Variants in VOPP1 observed in about 807,000 individuals in gnomAD.
The protein encoded by VOPP1 is VOPP1 WW domain binding protein, also known as WW domain binding protein VOPP1.
VOPP1 carries 8 observed loss-of-function variants against 23.5 expected under a neutral mutation model. The ratio of observed to expected loss-of-function variants is 0.34; its 90% CI spans 0.20 to 0.61. The LOEUF is 0.61. Among genes scored for constraint, VOPP1 ranks in the 20% least tolerant of loss-of-function variants. The probability of loss-of-function intolerance (pLI) is 0.78; values close to 1 mark genes in which losing one functional copy is unlikely to be tolerated. For synonymous variants in VOPP1, 83 were observed against 97.3 expected (o/e 0.85, Z 0.86); for missense variants, 174 against 238.1 (o/e 0.73, Z 1.77).
At chr7:55,552,972 G>A (rs1022968710) in intron 1 of VOPP1, 12 of 475,988 alleles carry the variant, frequency 2.5e-5, no homozygotes, top group Admixed American at 4.3e-5. Context: ...ACATGCAACC[G>A]AAATCTGTCT....
At chr7:55,453,136 C>T (rs557119215) in intron 4 of VOPP1, among the ~76,000 whole-genome samples, 1 of 152,358 alleles carries the variant, frequency 6.6e-6, no homozygotes, top group South Asian at 2.1e-4. Context: ...TCAGCACTTT[C>T]TGCTGCACCC....
At chr7:55,505,647 AAGGAAGGGAGGGAGGGAGGG>A (rs1228643230) in intron 2 of VOPP1, among the ~76,000 whole-genome samples, 18 of 105,538 alleles carry the variant, frequency 1.7e-4, no homozygotes, top group African/African-American at 2.4e-4. Context: ...AAAAGGAAGG[AAGGAAGGGAGGGAGGGAGGG>A]AGGGAGGGAG....
At position 55,482,347 on chromosome 7, in the gene VOPP1, A is replaced by AT. The variant is rs11292753; in HGVS notation, c.329-9303dup. ...TGGGGAAGAGAGGAAGAAGGGAGGT[A>AT]TTTTTTTTTTTTTTTTTTGAGACGG... On this transcript the variant is annotated intron_variant, in intron 4 of 4. Transcript: ENST00000285279. 2.1e-3 allele frequency among the ~76,000 whole-genome samples: 272 copies of AT among 127,780 alleles called. 2 individuals are homozygous for AT. Among genetic ancestry groups the AT allele is most frequent in the South Asian group, 0.018 (69 of 3,924 alleles). The allele number at this position is 127,780 out of a possible 152,430, so 83.8% of individuals were successfully genotyped here.
chr7:55,556,656 A>T (rs1268474256), intron 1 of VOPP1, among the ~76,000 whole-genome samples: 1 of 143,504 alleles, frequency 7.0e-6, no homozygotes. Flanking sequence ...AAAACACTTC[A>T]AGCTTTGAGA....
chr7:55,549,334 G>T (rs912718169), intron 1 of VOPP1, among the ~76,000 whole-genome samples: 25 of 152,298 alleles, frequency 1.6e-4, no homozygotes, highest in African/African-American at 5.5e-4. Flanking sequence ...CTCACGATCA[G>T]GCATACAGAC....
intron 4 of VOPP1, among the ~76,000 whole-genome samples, chr7:55,457,867 T>A (rs987551669): frequency 3.9e-5 from 6 of 152,184 alleles, no homozygotes; most frequent in African/African-American, 1.4e-4. Context: ...ATAAATAGTT[T>A]GCACATATTT....
chr7:55,462,900 C>G (rs1791540178), intron 4 of VOPP1, among the ~76,000 whole-genome samples: 1 of 148,454 alleles, frequency 6.7e-6, no homozygotes, highest in Non-Finnish European at 1.5e-5. Context: ...TCGTGATCCG[C>G]CCGCCTCGGC....
rs761342498 is a variant in VOPP1 at position 55,492,347 on chromosome 7, G to C, written c.263C>G (p.Pro88Arg). Residue 88 changes from proline to arginine, a missense_variant, in exon 4 of 5, where the codon CCG becomes CGG. Physicochemically the swap from Pro to Arg is moderately radical, Grantham distance 103. Transcript: ENST00000285279. ...GFFIRRRMYP[P>R]PLIEEPAFNV... ...GAAGGCTGGCTCCTCGATCAGCGGC[G>C]GGGGGTACATGCGCCTCCGGATGAA... 6.2e-7 allele frequency: 1 copy of C among 1,608,560 alleles called. No individual in the cohort carries two copies.
At chr7:55,536,563 T>A (rs1267242942) in intron 1 of VOPP1, among the ~76,000 whole-genome samples, 1 of 148,718 alleles carries the variant, frequency 6.7e-6, no homozygotes, top group Non-Finnish European at 1.5e-5. Flanking sequence ...TTTACCACCA[T>A]GAGGATAGAG....
At chr7:55,552,501 A>G (rs1797650053) in intron 1 of VOPP1, among the ~76,000 whole-genome samples, 1 of 152,252 alleles carries the variant, frequency 6.6e-6, no homozygotes, top group Non-Finnish European at 1.5e-5. Context: ...ACACTCACAC[A>G]GGATGGATCT....
intron 3 of VOPP1, among the ~76,000 whole-genome samples, chr7:55,496,100 T>C (rs1793930286): frequency 6.6e-6 from 1 of 152,230 alleles, no homozygotes; most frequent in South Asian, 2.1e-4. Context: ...AAAGTTCAGC[T>C]GGACTTTCTC....
In VOPP1 at chr7:55,492,253, G is replaced by A. The variant is rs1367980882; in HGVS notation, c.328+29C>T. 1.9e-6 allele frequency: 3 copies of A among 1,595,568 alleles called. No homozygotes were observed. In the African/African-American group the frequency reaches 4.0e-5, roughly 21 times the overall value. ...GTTGGCAGACGACACACACTGTGGG[G>A]AGGAGAGACAAGGACAGGGCTGGCT... On this transcript the variant is annotated intron_variant, in intron 4 of 4. Transcript: ENST00000285279.
chr7:55,454,271 G>A (rs1791312929), intron 4 of VOPP1, among the ~76,000 whole-genome samples: 1 of 152,226 alleles, frequency 6.6e-6, no homozygotes, highest in East Asian at 1.9e-4. Context: ...TCCCTGAATA[G>A]ACCTATAACA....
Position 55,539,879 on chromosome 7 carries a change from G to A in VOPP1, c.55-18749C>T, listed in dbSNP as rs752652810. 6.2e-5 allele frequency among the ~76,000 whole-genome samples: 9 copies of A among 146,102 alleles called. No homozygotes were observed. The East Asian group carries it at 1.2e-3, about 20-fold the overall frequency. On this transcript the variant is annotated intron_variant, in intron 1 of 4. Coordinates refer to ENST00000285279, the MANE Select transcript of VOPP1 (RefSeq NM_030796.5). ...TTGTCATACACACAACATAACAAAC[G>A]GGCGCATAACATAAGCGCTGCACAC... is the stretch of plus-strand genomic sequence containing the variant.
intron 1 of VOPP1, among the ~76,000 whole-genome samples, chr7:55,522,665 G>A (rs1226622372): frequency 6.6e-6 from 1 of 152,070 alleles, no homozygotes; most frequent in Non-Finnish European, 1.5e-5. Flanking sequence ...ATCAAGAGGT[G>A]AGGCCAGGGA....
downstream of VOPP1, among the ~76,000 whole-genome samples, chr7:55,468,791 G>A (rs923865072): frequency 2.0e-5 from 3 of 152,184 alleles, no homozygotes; most frequent in South Asian, 2.1e-4. Flanking sequence ...AGGGTACCAC[G>A]GGACAGGAGG....
At chr7:55,477,945 C>A (rs1583853452) in intron 4 of VOPP1, among the ~76,000 whole-genome samples, 1 of 152,198 alleles carries the variant, frequency 6.6e-6, no homozygotes, top group African/African-American at 2.4e-5. Context: ...AAGCAGCATG[C>A]AGAGGCCGCA....
At position 55,546,007 on chromosome 7, in the gene VOPP1, C is replaced by A. The variant is rs117543938; in HGVS notation, c.55-24877G>T. Among the ~76,000 whole-genome samples the A allele has an allele frequency of 4.3e-3, 658 of 152,028 alleles. 2 individuals carry two copies. Among genetic ancestry groups the A allele is most frequent in the South Asian group, 0.017 (84 of 4,804 alleles). The stretch of plus-strand genomic sequence containing the variant: ...ACCTGAGCCTGAGAGGTCAAGGTTG[C>A]GATGAGCCGTGATTGCACCACTGCA... On this transcript the variant is annotated intron_variant, in intron 1 of 4. Transcript: ENST00000285279.
chr7:55,521,924 G>A, intron 1 of VOPP1: 1 of 984,486 alleles, frequency 1.0e-6, no homozygotes, highest in Non-Finnish European at 1.2e-6. Flanking sequence ...TTCCATTCGT[G>A]CTGTCATTTT....
Sources: allele counts gnomAD v4.1 joint callset (sites outside exome capture counted in the v4.1 genomes callset), GRCh38; gene constraint gnomAD v4.1.1; transcripts MANE v1.5; gene names NCBI Gene and HGNC (gene_info 2026-07-23, HGNC 2026-07-21).